The following AP3S1 variants were observed in gnomAD, a reference collection of about 807,000 sequenced individuals.
AP3S1 encodes AP-3 complex subunit sigma-1.
A neutral mutation model predicts 21.3 loss-of-function variants in AP3S1; 12 were observed. The ratio of observed to expected loss-of-function variants is 0.56; its 90% CI spans 0.36 to 0.91. The LOEUF (loss-of-function observed/expected upper bound fraction) is 0.91. AP3S1 is among the 40% of genes least tolerant of loss of function. The pLI is 0.01. For synonymous variants in AP3S1, 48 were observed against 78.4 expected (o/e 0.61, Z 2.05); for missense variants, 116 against 225.0 (o/e 0.52, Z 3.10).
At chr5:115,893,895 A>T (rs1402738604) in intron 3 of AP3S1, among the ~76,000 whole-genome samples, 1 of 152,238 alleles carries the variant, frequency 6.6e-6, no homozygotes, top group East Asian at 1.9e-4. Context: ...ATAATAAATT[A>T]CATGGTCCCT....
At chr5:115,844,043 G>A (rs1387925525) in intron 1 of AP3S1, among the ~76,000 whole-genome samples, 1 of 152,214 alleles carries the variant, frequency 6.6e-6, no homozygotes, top group East Asian at 1.9e-4. Flanking sequence ...TGGAGTATGA[G>A]AAGTTGTTTC....
At chr5:115,893,101 A>T (rs1359656883) in intron 3 of AP3S1, among the ~76,000 whole-genome samples, 5 of 152,188 alleles carry the variant, frequency 3.3e-5, no homozygotes, top group African/African-American at 1.2e-4. Flanking sequence ...CCATAAGCAA[A>T]AAGTAATCCC....
At chr5:115,906,913 T>C in intron 5 of AP3S1, 1 of 1,457,174 alleles carries the variant, frequency 6.9e-7, no homozygotes, top group Non-Finnish European at 9.0e-7. Flanking sequence ...AGCAAAATGA[T>C]GTCAAAGGCA....
intron 1 of AP3S1, among the ~76,000 whole-genome samples, chr5:115,861,998 C>G (rs552380324): frequency 1.7e-4 from 26 of 151,226 alleles, no homozygotes; most frequent in Admixed American, 1.6e-3. Context: ...CTGTGCCCAA[C>G]TCAGAATCAT....
chr5:115,907,337 C>A (rs1171844916), intron 5 of AP3S1, among the ~76,000 whole-genome samples: 3 of 152,058 alleles, frequency 2.0e-5, no homozygotes, highest in Non-Finnish European at 2.9e-5. Flanking sequence ...AAAAGCTGAA[C>A]CTTCAGAGTT....
chr5:115,906,855 A>G (rs1368420564), intron 5 of AP3S1: 1 of 1,521,374 alleles, frequency 6.6e-7, no homozygotes, highest in Admixed American at 2.0e-5. Flanking sequence ...CAGGACAGGT[A>G]GACAAGGTAT....
At chr5:115,908,989 A>G (rs1015154305) in intron 5 of AP3S1, 9 of 984,738 alleles carry the variant, frequency 9.1e-6, no homozygotes. Context: ...GGTCAAAATT[A>G]TGAATGTGCA....
intron 2 of AP3S1, among the ~76,000 whole-genome samples, chr5:115,869,673 A>G (rs1423824261): frequency 6.6e-6 from 1 of 152,140 alleles, no homozygotes; most frequent in East Asian, 1.9e-4. Context: ...TCATCATTGT[A>G]TTTTGATTGT....
At chr5:115,904,730 G>T (rs1561527147) in intron 5 of AP3S1, among the ~76,000 whole-genome samples, 1 of 152,130 alleles carries the variant, frequency 6.6e-6, no homozygotes, top group African/African-American at 2.4e-5. Context: ...GTAAAGAAAA[G>T]ATTATTATAA....
intron 5 of AP3S1, among the ~76,000 whole-genome samples, chr5:115,904,675 A>G (rs1363307157): frequency 2.0e-5 from 3 of 152,186 alleles, no homozygotes; most frequent in Non-Finnish European, 2.9e-5. Flanking sequence ...AAGGAAAAAG[A>G]CTCATAATTT....
chr5:115,909,088 TG>T (rs1488253435), intron 5 of AP3S1: 1 of 581,068 alleles, frequency 1.7e-6, no homozygotes, highest in South Asian at 7.7e-5. Context: ...TATTCAAACT[TG>T]AAAAAAAAAA....
At chr5:115,891,474 G>A (rs1750293863) in intron 3 of AP3S1, among the ~76,000 whole-genome samples, 1 of 152,154 alleles carries the variant, frequency 6.6e-6, no homozygotes. Context: ...TTGAGTGATG[G>A]TAAATTGGGA....
chr5:115,852,470 CT>C (rs1762505564), intron 1 of AP3S1, among the ~76,000 whole-genome samples: 1 of 152,058 alleles, frequency 6.6e-6, no homozygotes. Flanking sequence ...TAAAATATAG[CT>C]CTCACATGCT....
chr5:115,875,065 AT>A (rs1748582014), intron 3 of AP3S1, among the ~76,000 whole-genome samples: 1 of 152,218 alleles, frequency 6.6e-6, no homozygotes, highest in African/African-American at 2.4e-5. Flanking sequence ...TTTAGCTAAC[AT>A]TATCACTAAA....
chr5:115,867,588 C>G (rs1022705998), intron 2 of AP3S1, among the ~76,000 whole-genome samples: 32 of 152,220 alleles, frequency 2.1e-4, no homozygotes, highest in African/African-American at 6.5e-4. Flanking sequence ...ATGTGGAACA[C>G]TTAACTTGGG....
intron 3 of AP3S1, among the ~76,000 whole-genome samples, chr5:115,876,895 C>T (rs147657066): frequency 4.9e-4 from 75 of 152,262 alleles, no homozygotes; most frequent in African/African-American, 1.8e-3. Context: ...TCCATTTGTT[C>T]CACTACTTGT....
intron 1 of AP3S1, among the ~76,000 whole-genome samples, chr5:115,849,844 G>T (rs1014745786): frequency 3.3e-5 from 5 of 151,846 alleles, no homozygotes; most frequent in Admixed American, 1.3e-4. Flanking sequence ...GATTGCCTGA[G>T]CCCAGGAGTT....
At chr5:115,908,155 G>C (rs752271930) in intron 5 of AP3S1, among the ~76,000 whole-genome samples, 3 of 152,006 alleles carry the variant, frequency 2.0e-5, no homozygotes, top group Non-Finnish European at 4.4e-5. Context: ...CACAAAACTG[G>C]GGTACCGTTT....
chr5:115,880,205 A>G (rs1423932246), intron 3 of AP3S1, among the ~76,000 whole-genome samples: 1 of 152,048 alleles, frequency 6.6e-6, no homozygotes. Flanking sequence ...TGTCTCCTTC[A>G]GTTCTACTCT....
Sources: allele counts gnomAD v4.1 joint callset (sites outside exome capture counted in the v4.1 genomes callset), GRCh38; gene constraint gnomAD v4.1.1; transcripts MANE v1.5; gene names NCBI Gene and HGNC (gene_info 2026-07-23, HGNC 2026-07-21).